PRDM5: variants seen among roughly 807,000 people sequenced by gnomAD.
PRDM5 encodes the protein PR/SET domain 5.
Under a neutral mutation model 81.2 loss-of-function variants are expected in PRDM5, and 56 were observed. That is an observed-to-expected ratio of 0.69 (90% confidence interval 0.56 to 0.86). The LOEUF is 0.86. Ranked by LOEUF, PRDM5 falls within the 40% of genes least tolerant of loss-of-function variation. PRDM5 has a pLI of 0.00. For missense variants in PRDM5, 697 were observed against 770.1 expected (o/e 0.91, Z 1.12); for synonymous variants, 267 against 256.4 (o/e 1.04, Z -0.39).
intron 7 of PRDM5, among the ~76,000 whole-genome samples, chr4:120,812,006 C>G (rs999070823): frequency 6.6e-6 from 1 of 152,030 alleles, no homozygotes; most frequent in Admixed American, 6.6e-5. Flanking sequence ...TTAACTATCC[C>G]ATTTTATTCA....
chr4:120,723,499 C>T (rs745344113), intron 14 of PRDM5, among the ~76,000 whole-genome samples: 11 of 151,992 alleles, frequency 7.2e-5, no homozygotes, highest in Non-Finnish European at 1.5e-4. Context: ...GAAGAATAAT[C>T]ATATGAAAAG....
intron 1 of PRDM5, among the ~76,000 whole-genome samples, chr4:120,915,392 C>A (rs1467525493): frequency 6.6e-6 from 1 of 152,072 alleles, no homozygotes; most frequent in Non-Finnish European, 1.5e-5. Context: ...AGCCCCAGAC[C>A]CAAGAGATGC....
At chr4:120,788,404 A>T (rs1167223198) in intron 10 of PRDM5, among the ~76,000 whole-genome samples, 1 of 152,174 alleles carries the variant, frequency 6.6e-6, no homozygotes, top group African/African-American at 2.4e-5. Context: ...AACATTGAGG[A>T]GGGTTTTTAA....
chr4:120,705,080 T>C (rs1735917908), intron 15 of PRDM5, among the ~76,000 whole-genome samples: 1 of 152,108 alleles, frequency 6.6e-6, no homozygotes, highest in South Asian at 2.1e-4. Context: ...GAAACTAAAG[T>C]ATAATTCAGT....
intron 1 of PRDM5, among the ~76,000 whole-genome samples, chr4:120,916,386 CATAA>C (rs5861497): frequency 0.63 from 92,273 of 146,752 alleles, 29,077 homozygotes; most frequent in Non-Finnish European, 0.66. Context: ...GACTGTATCT[CATAA>C]ATAAATAAAT....
intron 8 of PRDM5, among the ~76,000 whole-genome samples, chr4:120,802,613 C>G (rs1005502393): frequency 6.6e-6 from 1 of 152,226 alleles, no homozygotes; most frequent in Non-Finnish European, 1.5e-5. Context: ...AGTGGACCTC[C>G]AGCAAACTCC....
chr4:120,838,090 A>G (rs1757570532), intron 3 of PRDM5: 1 of 152,232 alleles, frequency 6.6e-6, no homozygotes, highest in African/African-American at 2.4e-5. Flanking sequence ...TCTTATATCT[A>G]CTTTCTAGAC....
intron 13 of PRDM5, among the ~76,000 whole-genome samples, chr4:120,769,730 C>T (rs1746962670): frequency 6.6e-6 from 1 of 152,140 alleles, no homozygotes; most frequent in Non-Finnish European, 1.5e-5. Flanking sequence ...GGAGATAAAT[C>T]TAGCATCCTT....
chr4:120,838,534 T>C (rs171067), intron 3 of PRDM5: 133,072 of 152,234 alleles, frequency 0.87, 58,255 homozygotes, highest in East Asian at 0.93. Context: ...CTTTTTGGCA[T>C]CAGGAACAGG....
At chr4:120,760,751 T>TA (rs1056641674) in intron 13 of PRDM5, among the ~76,000 whole-genome samples, 1 of 151,986 alleles carries the variant, frequency 6.6e-6, no homozygotes, top group Non-Finnish European at 1.5e-5. Flanking sequence ...AAATAGACTT[T>TA]TTTTTTTTTA....
intron 3 of PRDM5, among the ~76,000 whole-genome samples, chr4:120,845,237 ACAGATTT>A (rs1375604826): frequency 6.6e-6 from 1 of 152,224 alleles, no homozygotes; most frequent in Non-Finnish European, 1.5e-5. Context: ...ACACTAAACA[ACAGATTT>A]TCAATGTACA....
In PRDM5 at chr4:120,843,236, AG is replaced by A. The variant is rs1410438110; in HGVS notation, c.300+10181del. Among the ~76,000 whole-genome samples, 7 of 152,284 alleles carry A rather than the reference AG, an allele frequency of 4.6e-5. No individual in the cohort carries two copies. In the East Asian group the frequency reaches 1.2e-3, roughly 25 times the overall value. ...GTAATCCCAGCTACTCGGGAGGCTG[AG>A]GCAGGAGAATAGCTTGAACCCAGGA... On this transcript the variant is annotated intron_variant, in intron 3 of 15. Transcript: ENST00000264808.
intron 14 of PRDM5, among the ~76,000 whole-genome samples, chr4:120,734,364 AG>A (rs1321125352): frequency 6.6e-6 from 1 of 151,208 alleles, no homozygotes; most frequent in African/African-American, 2.4e-5. Context: ...GTTTTGTAAA[AG>A]ACTAGCTCCA....
At chr4:120,870,725 T>C (rs969304752) in intron 2 of PRDM5, among the ~76,000 whole-genome samples, 1 of 152,174 alleles carries the variant, frequency 6.6e-6, no homozygotes, top group Non-Finnish European at 1.5e-5. Context: ...AGGTTTGCAG[T>C]GGGTCAGACC....
chr4:120,894,554 T>G (rs1764409476), intron 2 of PRDM5, among the ~76,000 whole-genome samples: 1 of 152,248 alleles, frequency 6.6e-6, no homozygotes, highest in Admixed American at 6.5e-5. Flanking sequence ...TTGACAACAC[T>G]ACTTATAAAT....
intron 12 of PRDM5, among the ~76,000 whole-genome samples, chr4:120,780,175 C>A (rs1405412037): frequency 6.6e-6 from 1 of 152,104 alleles, no homozygotes; most frequent in Non-Finnish European, 1.5e-5. Flanking sequence ...TTAACACTGC[C>A]TGAGTGCAGT....
At chr4:120,782,549 C>A (rs1255314914) in intron 11 of PRDM5, among the ~76,000 whole-genome samples, 2 of 152,100 alleles carry the variant, frequency 1.3e-5, no homozygotes, top group African/African-American at 2.4e-5. Context: ...AACTTAAAGT[C>A]TCTTAGAGTC....
rs2597536 is a variant in PRDM5 at position 120,827,721 on chromosome 4, C to G, written c.301-6376G>C. 7.8e-3 allele frequency among the ~76,000 whole-genome samples: 1,180 copies of G among 151,922 alleles called. 15 individuals are homozygous for G. Among genetic ancestry groups the G allele is most frequent in the African/African-American group, 0.027 (1,117 of 41,430 alleles). On this transcript the variant is annotated intron_variant, in intron 3 of 15. Coordinates refer to ENST00000264808, the MANE Select transcript of PRDM5 (RefSeq NM_018699.4). ...TCACAGAAAATCAATCCGTGGGTAA[C>G]AGAATCCCAGCTCCTATGCCAAGGG... is the stretch of plus-strand genomic sequence containing the variant.
chr4:120,690,230 A>G (rs962315009), downstream of PRDM5, among the ~76,000 whole-genome samples: 3 of 152,182 alleles, frequency 2.0e-5, no homozygotes, highest in African/African-American at 4.8e-5. Flanking sequence ...TGAATAGATA[A>G]TATATTGTTT....
Sources: gnomAD v4.1 joint callset for allele counts (sites outside exome capture counted in the v4.1 genomes callset) on GRCh38, gnomAD v4.1.1 for gene constraint, MANE v1.5 for transcripts, NCBI Gene and HGNC (gene_info 2026-07-23, HGNC 2026-07-21) for gene names.